The following SLC4A7 variants were observed in gnomAD, a reference collection of about 807,000 sequenced individuals.
SLC4A7 encodes the protein solute carrier family 4 member 7, also known as sodium bicarbonate cotransporter 3.
A neutral mutation model predicts 137.6 loss-of-function variants in SLC4A7; 51 were observed. The ratio of observed to expected loss-of-function variants is 0.37; its 90% CI spans 0.30 to 0.47. The LOEUF is 0.47. Among genes scored for constraint, SLC4A7 ranks in the 20% least tolerant of loss-of-function variants. The probability of loss-of-function intolerance (pLI) is 1.00; values close to 1 mark genes in which losing one functional copy is unlikely to be tolerated. For missense variants in SLC4A7, 1,247 were observed against 1,525.4 expected, an observed-to-expected ratio of 0.82 and a Z score of 3.04; for synonymous variants, 542 against 518.6, an observed-to-expected ratio of 1.05 and a Z score of -0.61.
intron 5 of SLC4A7, 107 bp downstream of exon 5, chr3:27,436,281 T>G (rs558915710): frequency 1.4e-6 from 1 of 729,766 alleles, no homozygotes; most frequent in Non-Finnish European, 2.1e-6. Context: ...CTATCTTATT[T>G]CCTTATACTG....
At chr3:27,443,435 A>G (rs1342663760) in intron 3 of SLC4A7, among the ~76,000 whole-genome samples, 1 of 151,884 alleles carries the variant, frequency 6.6e-6, no homozygotes, top group Non-Finnish European at 1.5e-5. Flanking sequence ...TAGAGTTATC[A>G]ATTTTAATAA....
At position 27,470,855 on chromosome 3, in the gene SLC4A7, C is replaced by A. The variant is rs553259406; in HGVS notation, c.60+13212G>T. ...TACTCCAGAGACTGAGGCAGGAGAA[C>A]CCCTTGAATCCAGTAGGCGGAGGTT... On this transcript the variant is annotated intron_variant, in intron 1 of 25. Coordinates refer to ENST00000454389, the MANE Select transcript of SLC4A7 (RefSeq NM_001321103.2). Among the ~76,000 whole-genome samples the A allele has an allele frequency of 6.6e-5, 10 of 152,120 alleles. No homozygotes were observed. The East Asian group carries it at 1.9e-3, about 29-fold the overall frequency.
intron 20 of SLC4A7, among the ~76,000 whole-genome samples, chr3:27,393,143 C>T (rs1178128737): frequency 6.6e-6 from 1 of 151,918 alleles, no homozygotes; most frequent in Non-Finnish European, 1.5e-5. Context: ...ACAGGTTTCT[C>T]GAGAAAACCA....
At chr3:27,421,942 A>G (rs935561449) in intron 8 of SLC4A7, among the ~76,000 whole-genome samples, 163 bp from the exon 9 acceptor site, 1 of 152,236 alleles carries the variant, frequency 6.6e-6, no homozygotes, top group Non-Finnish European at 1.5e-5. Context: ...TAAAGAATGG[A>G]GTAGACATAC....
intron 18 of SLC4A7, 61 bp downstream of exon 18, chr3:27,397,623 T>C: frequency 1.3e-6 from 1 of 781,730 alleles, no homozygotes; most frequent in Non-Finnish European, 2.2e-6. Flanking sequence ...GAAAATAGTA[T>C]CTTGCTTTAA....
At chr3:27,476,137 A>G (rs1184451917) in intron 1 of SLC4A7, among the ~76,000 whole-genome samples, 3 of 152,224 alleles carry the variant, frequency 2.0e-5, no homozygotes, top group East Asian at 1.9e-4. Context: ...ACAAGTATTA[A>G]GATTTAAGTA....
intron 10 of SLC4A7, 149 bp from the exon 11 acceptor site, chr3:27,418,781 A>G: frequency 1.7e-6 from 1 of 572,236 alleles, no homozygotes. Flanking sequence ...AGCCTGGGTA[A>G]CAACTATAAA....
chr3:27,455,838 C>G (rs756190722), intron 1 of SLC4A7, among the ~76,000 whole-genome samples: 49 of 151,846 alleles, frequency 3.2e-4, no homozygotes, highest in Non-Finnish European at 6.8e-4. Flanking sequence ...GCCTGGGCAA[C>G]AGAACGAGAC....
rs1163519794 is a variant in SLC4A7 at position 27,452,450 on chromosome 3, C to T, written c.109G>A (p.Val37Met). The T allele has an allele frequency of 1.2e-6, 2 of 1,605,020 alleles. No homozygotes were observed. The highest frequency in any genetic ancestry group is 1.7e-6 in the Non-Finnish European group (2 of 1,178,086). ...VVDLGKTSST[V>M]NTKFEKEELE... The stretch of plus-strand genomic sequence containing the variant: ...TCTTCTTTTTCAAACTTGGTGTTCA[C>T]AGTTGAGCTAGTTTTGCCAAGATCC... Residue 37 changes from valine (V) to methionine (M), a missense_variant, in exon 2 of 26, where the codon GTG (valine) becomes ATG (methionine). Val to Met is a conservative substitution (Grantham distance 21). Coordinates refer to ENST00000454389, the MANE Select transcript of SLC4A7 (RefSeq NM_001321103.2).
intron 1 of SLC4A7, among the ~76,000 whole-genome samples, chr3:27,481,979 CA>C (rs560875706): frequency 1.1e-3 from 164 of 152,094 alleles, no homozygotes; most frequent in Admixed American, 3.5e-3. Flanking sequence ...ACTAAAAATA[CA>C]AAATTAGCCG....
At chr3:27,413,460 C>T (rs937344826) in intron 11 of SLC4A7, among the ~76,000 whole-genome samples, 17 of 152,070 alleles carry the variant, frequency 1.1e-4, no homozygotes, top group African/African-American at 3.9e-4. Context: ...GAAGATGGCA[C>T]AAAAATCTAT....
chr3:27,435,891 T>G (rs2056701828), intron 5 of SLC4A7, among the ~76,000 whole-genome samples: 1 of 152,082 alleles, frequency 6.6e-6, no homozygotes. Flanking sequence ...AGTCACAATC[T>G]CATCTCTAAC....
At chr3:27,419,927 G>A (rs1406061973) in intron 10 of SLC4A7, among the ~76,000 whole-genome samples, 1 of 151,844 alleles carries the variant, frequency 6.6e-6, no homozygotes, top group Non-Finnish European at 1.5e-5. Context: ...GGTGGCTCAC[G>A]CCTGTAATCC....
At chr3:27,479,519 G>A (rs2059623282) in intron 1 of SLC4A7, among the ~76,000 whole-genome samples, 2 of 152,080 alleles carry the variant, frequency 1.3e-5, no homozygotes, top group South Asian at 2.1e-4. Context: ...AGGCAACCTA[G>A]TCTACTCTAA....
chr3:27,440,462 T>C (rs1033210700), intron 3 of SLC4A7, among the ~76,000 whole-genome samples: 1 of 152,162 alleles, frequency 6.6e-6, no homozygotes, highest in African/African-American at 2.4e-5. Context: ...GTGTGGTGAC[T>C]CACAGTTGTA....
chr3:27,383,474 A>C (rs1005432898), intron 23 of SLC4A7, among the ~76,000 whole-genome samples: 1 of 152,224 alleles, frequency 6.6e-6, no homozygotes, highest in Admixed American at 6.5e-5. Context: ...TATGTAAATC[A>C]CTGTCACTTA....
chr3:27,386,040 A>C lies in SLC4A7; in HGVS notation c.3361-17T>G. 1.9e-6 allele frequency: 3 copies of C among 1,581,554 alleles called. No homozygotes were observed. The highest frequency in any genetic ancestry group is 2.6e-6 in the Non-Finnish European group (3 of 1,165,636). ...TGCAAGAACCTTTAAAAAGTGGGGA[A>C]GGAAATATTAAGTAACACATAATAC... On this transcript the variant is annotated splice_polypyrimidine_tract_variant and intron_variant, in intron 22 of 25. Coordinates refer to ENST00000454389, the MANE Select transcript of SLC4A7 (RefSeq NM_001321103.2).
chr3:27,385,284 GGT>G (rs2050824105), intron 23 of SLC4A7, among the ~76,000 whole-genome samples: 1 of 151,912 alleles, frequency 6.6e-6, no homozygotes, highest in Non-Finnish European at 1.5e-5. Flanking sequence ...CTATCGAGTT[GGT>G]TATTAAAAAT....
At chr3:27,400,252 T>G (rs140983063) in intron 16 of SLC4A7, among the ~76,000 whole-genome samples, 146 of 152,356 alleles carry the variant, frequency 9.6e-4, no homozygotes, top group African/African-American at 3.5e-3. Context: ...TTTTTAATTC[T>G]TTTTCCTTTC....
Sources: gnomAD v4.1 joint callset for allele counts (sites outside exome capture counted in the v4.1 genomes callset) on GRCh38, gnomAD v4.1.1 for gene constraint, MANE v1.5 for transcripts, NCBI Gene and HGNC (gene_info 2026-07-23, HGNC 2026-07-21) for gene names.